RASSF8: variants seen among roughly 807,000 people sequenced by gnomAD.
RASSF8 encodes ras association domain-containing protein 8.
In RASSF8, 22 loss-of-function variants were observed where a neutral mutation model predicts 48.5. That is an observed-to-expected ratio of 0.45 (90% CI 0.32 to 0.65). The LOEUF (loss-of-function observed/expected upper bound fraction) is 0.65, where lower values mean the gene tolerates loss of function less well. Ranked by LOEUF, RASSF8 falls within the 30% of genes least tolerant of loss-of-function variation. The pLI is 0.03. For synonymous variants in RASSF8, 127 were observed against 171.5 expected (o/e 0.74, Z 2.03); for missense variants, 418 against 489.2 (o/e 0.85, Z 1.37).
At position 26,005,997 on chromosome 12, in the gene RASSF8, A is replaced by G. The variant is rs182116155; in HGVS notation, c.-109+10867A>G. 3.9e-5 allele frequency among the ~76,000 whole-genome samples: 6 copies of G among 152,318 alleles called. No individual in the cohort carries two copies. The East Asian group carries it at 1.2e-3, about 29-fold the overall frequency. ...TCGGTTTTGCCCTTTAAAGCTTTAA[A>G]CGTTAAACCTTTCTCTTCCGTTGGT... On this transcript the variant is annotated intron_variant, in intron 2 of 5. Transcript: ENST00000689635.
chr12:25,985,702 G>A (rs947322205), intron 1 of RASSF8, among the ~76,000 whole-genome samples: 13 of 152,212 alleles, frequency 8.5e-5, no homozygotes, highest in African/African-American at 2.9e-4. Context: ...GTGGAATTTA[G>A]GGAGGGGTCG....
In RASSF8 at chr12:26,070,388, G is replaced by A; in HGVS notation, c.*1570G>A. On this transcript the variant is annotated 3_prime_UTR_variant, in exon 6 of 6. Transcript: ENST00000689635. ...CTATGAGACTGTATAGAAGCTTCTAGAGAACTGAAAGTCATAATGCAGAGT... is the reference window on the plus strand; with the variant it reads ...CTATGAGACTGTATAGAAGCTTCTAAAGAACTGAAAGTCATAATGCAGAGT... 2 of 985,388 alleles carry A rather than the reference G, an allele frequency of 2.0e-6. No individual in the cohort carries two copies. The highest frequency in any genetic ancestry group is 2.4e-6 in the Non-Finnish European group (2 of 829,884). The allele number at this position is 985,388 out of a possible 1,614,324, so 61.0% of individuals were successfully genotyped here.
intron 1 of RASSF8, among the ~76,000 whole-genome samples, chr12:25,987,551 A>G (rs1352970609): frequency 6.6e-6 from 1 of 152,206 alleles, no homozygotes; most frequent in Non-Finnish European, 1.5e-5. Context: ...AAACCTAAGG[A>G]TAATTTTTTC....
chr12:26,041,137 C>CG (rs1255709011), intron 2 of RASSF8, among the ~76,000 whole-genome samples: 2 of 152,034 alleles, frequency 1.3e-5, no homozygotes, highest in African/African-American at 4.8e-5. Flanking sequence ...CATGATCCTC[C>CG]CACCTCAGCC....
intron 2 of RASSF8, among the ~76,000 whole-genome samples, chr12:26,035,167 C>A (rs2137125192): frequency 1.3e-5 from 2 of 152,074 alleles, no homozygotes; most frequent in South Asian, 4.2e-4. Context: ...GTGGAAATGG[C>A]TTTCCAACCA....
At chr12:26,048,868 C>T (rs1229217138) in intron 2 of RASSF8, among the ~76,000 whole-genome samples, 2 of 152,120 alleles carry the variant, frequency 1.3e-5, no homozygotes, top group African/African-American at 2.4e-5. Flanking sequence ...ATTCTCCTGC[C>T]TCAGCCTCCC....
At chr12:26,003,747 T>C (rs1234080669) in intron 2 of RASSF8, among the ~76,000 whole-genome samples, 1 of 152,114 alleles carries the variant, frequency 6.6e-6, no homozygotes, top group African/African-American at 2.4e-5. Flanking sequence ...AAAGCAAGTA[T>C]TAATAATCAG....
At chr12:26,035,410 T>TATA (rs1565629532) in intron 2 of RASSF8, among the ~76,000 whole-genome samples, 8 of 138,354 alleles carry the variant, frequency 5.8e-5, no homozygotes, top group Non-Finnish European at 1.1e-4. Flanking sequence ...ATTATATAAT[T>TATA]ATATAAGTAT....
intron 2 of RASSF8, among the ~76,000 whole-genome samples, chr12:26,048,077 A>T (rs1591798686): frequency 6.6e-6 from 1 of 152,354 alleles, no homozygotes; most frequent in East Asian, 1.9e-4. Context: ...CACTGGCTGG[A>T]ACCATTTGGG....
At chr12:26,017,914 A>G (rs1259142337) in intron 2 of RASSF8, among the ~76,000 whole-genome samples, 2 of 152,244 alleles carry the variant, frequency 1.3e-5, no homozygotes, top group African/African-American at 4.8e-5. Context: ...AACAGAGGCA[A>G]TCATTAACAG....
chr12:25,962,242 CT>C (rs760952982), intron 1 of RASSF8, among the ~76,000 whole-genome samples: 38 of 152,148 alleles, frequency 2.5e-4, no homozygotes, highest in Non-Finnish European at 5.0e-4. Context: ...AGCCTCAGGC[CT>C]GTGGCTCATG....
At chr12:26,058,349 G>T (rs1366445395) in intron 3 of RASSF8, among the ~76,000 whole-genome samples, 1 of 152,184 alleles carries the variant, frequency 6.6e-6, no homozygotes, top group Non-Finnish European at 1.5e-5. Flanking sequence ...GCTCTGAAAA[G>T]CAACCCCAGA....
At chr12:26,060,018 C>T (rs1943704358) in intron 3 of RASSF8, among the ~76,000 whole-genome samples, 1 of 152,148 alleles carries the variant, frequency 6.6e-6, no homozygotes, top group South Asian at 2.1e-4. Flanking sequence ...CTGCCTCAGC[C>T]TCCCGAGTAG....
chr12:25,981,961 G>A (rs968033742), intron 1 of RASSF8, among the ~76,000 whole-genome samples: 2 of 152,150 alleles, frequency 1.3e-5, no homozygotes, highest in Non-Finnish European at 2.9e-5. Flanking sequence ...CTTAATAATC[G>A]TCCTCAAATG....
chr12:26,050,390 A>G (rs1375946709), intron 2 of RASSF8, among the ~76,000 whole-genome samples: 1 of 152,192 alleles, frequency 6.6e-6, no homozygotes, highest in Non-Finnish European at 1.5e-5. Flanking sequence ...CCCAGACCTA[A>G]CTCTTGAATT....
At chr12:26,016,468 T>G (rs1942652842) in intron 2 of RASSF8, among the ~76,000 whole-genome samples, 1 of 152,208 alleles carries the variant, frequency 6.6e-6, no homozygotes, top group African/African-American at 2.4e-5. Flanking sequence ...TTTTGCTGCC[T>G]GTTCTGGAAG....
rs764949312 is a variant in RASSF8, at chr12:26,065,245, C to G, written c.851C>G (p.Ala284Gly). Reference protein sequence around the residue: ...AEKLQREVQEAQVNEEEVKGK... With the variant: ...AEKLQREVQEGQVNEEEVKGK... ...AAATTGCAACGGGAAGTTCAAGAGG[C>G]ACAGGTCAATGAGGAAGAGGTTAAA... is the stretch of plus-strand genomic sequence containing the variant. The change falls in exon 4 of 6, where the codon GCA (alanine) becomes GGA (glycine). Residue 284 changes from alanine (A) to glycine (G), a missense_variant. Coordinates refer to ENST00000689635, the MANE Select transcript of RASSF8 (RefSeq NM_001394098.1). 2 of 1,614,086 alleles carry G rather than the reference C, an allele frequency of 1.2e-6. No homozygotes were observed. Among genetic ancestry groups the G allele is most frequent in the South Asian group, 2.2e-5 (2 of 91,062 alleles).
intron 1 of RASSF8, among the ~76,000 whole-genome samples, chr12:25,962,133 G>A (rs1037904918): frequency 2.0e-5 from 3 of 152,142 alleles, no homozygotes; most frequent in Non-Finnish European, 4.4e-5. Flanking sequence ...TTTGGGATAA[G>A]ATACCAAATC....
intron 2 of RASSF8, among the ~76,000 whole-genome samples, chr12:26,028,230 T>C (rs918593616): frequency 3.3e-5 from 5 of 152,218 alleles, no homozygotes; most frequent in African/African-American, 1.2e-4. Flanking sequence ...GTATAGGTGA[T>C]TTTATTTTCT....
Sources: allele counts gnomAD v4.1 joint callset (sites outside exome capture counted in the v4.1 genomes callset), GRCh38; gene constraint gnomAD v4.1.1; transcripts MANE v1.5; gene names NCBI Gene and HGNC (gene_info 2026-07-23, HGNC 2026-07-21).